PCSK5: variants seen among roughly 807,000 people sequenced by gnomAD.
PCSK5 encodes prohormone convertase 5.
Under a neutral mutation model 233.2 loss-of-function variants are expected in PCSK5, and 129 were observed. The observed-to-expected ratio is 0.55, with a 90% confidence interval of 0.48 to 0.64. The LOEUF (loss-of-function observed/expected upper bound fraction) is 0.64, where lower values mean the gene tolerates loss of function less well. Among genes scored for constraint, PCSK5 ranks in the 30% least tolerant of loss-of-function variants. The pLI is 0.00. For synonymous variants in PCSK5, 825 were observed against 879.2 expected (o/e 0.94, Z 1.09); for missense variants, 2,076 against 2,430.1 (o/e 0.85, Z 3.06).
chr9:76,074,596 C>A lies in PCSK5; in HGVS notation c.894+2698C>A, dbSNP rs1830581700. 3.3e-5 allele frequency among the ~76,000 whole-genome samples: 5 copies of A among 152,220 alleles called. No individual in the cohort carries two copies. In the South Asian group the frequency reaches 1.0e-3, roughly 32 times the overall value. ...AATACAAATAGGCTTTCAGGTTAGG[C>A]TAGGATTGAGTCCAATATTTGCCAT... On this transcript the variant is annotated intron_variant, in intron 7 of 37. Coordinates refer to ENST00000674117, the MANE Select transcript of PCSK5 (RefSeq NM_001372043.1).
Position 76,030,366 on chromosome 9 carries a change from A to ATCT in PCSK5, c.632+3330_632+3332dup, listed in dbSNP as rs528339521. Among the ~76,000 whole-genome samples the ATCT allele has an allele frequency of 1.8e-3, 278 of 152,306 alleles. 7 individuals are homozygous for ATCT. In the South Asian group the frequency reaches 0.04, roughly 22 times the overall value. On this transcript the variant is annotated intron_variant, in intron 5 of 37. Coordinates refer to ENST00000674117, the MANE Select transcript of PCSK5 (RefSeq NM_001372043.1). ...AAGTTTTATAGCTGATTATAAAACC[A>ATCT]TCTAAAGAGGACCAAATCAAGATAA...
intron 24 of PCSK5, among the ~76,000 whole-genome samples, chr9:76,284,132 A>G (rs1474531919): frequency 6.6e-6 from 1 of 151,464 alleles, no homozygotes; most frequent in Admixed American, 6.6e-5. Context: ...AAAAAAAAAA[A>G]GAACTTATGT....
At chr9:76,018,857 T>G (rs1828064422) in intron 3 of PCSK5, among the ~76,000 whole-genome samples, 1 of 152,056 alleles carries the variant, frequency 6.6e-6, no homozygotes, top group South Asian at 2.1e-4. Flanking sequence ...AAGGCCAGAG[T>G]GATTTCTGTT....
chr9:76,191,759 AT>A (rs998022415), intron 20 of PCSK5, among the ~76,000 whole-genome samples: 8 of 152,148 alleles, frequency 5.3e-5, no homozygotes, highest in Non-Finnish European at 1.0e-4. Flanking sequence ...CGTAAGTATC[AT>A]TTTTTAGTTA....
At chr9:75,947,765 G>T (rs1239577541) in intron 2 of PCSK5, among the ~76,000 whole-genome samples, 1 of 152,144 alleles carries the variant, frequency 6.6e-6, no homozygotes, top group Non-Finnish European at 1.5e-5. Flanking sequence ...CCTTACATGG[G>T]GAAAACTGAA....
intron 2 of PCSK5, among the ~76,000 whole-genome samples, chr9:75,974,346 C>G (rs913691870): frequency 3.3e-5 from 5 of 152,294 alleles, no homozygotes; most frequent in Admixed American, 2.6e-4. Context: ...TCGAGTACCA[C>G]CTCACTGGAA....
chr9:75,950,139 GT>G (rs1824778726), intron 2 of PCSK5, among the ~76,000 whole-genome samples: 2 of 104,426 alleles, frequency 1.9e-5, no homozygotes, highest in African/African-American at 3.8e-5. Context: ...ACTTGTGTGT[GT>G]GTGTGGGGGG....
At chr9:75,933,502 TTATA>T (rs1369298170) in intron 2 of PCSK5, among the ~76,000 whole-genome samples, 1 of 152,236 alleles carries the variant, frequency 6.6e-6, no homozygotes, top group Non-Finnish European at 1.5e-5. Flanking sequence ...TCCTCGAAAG[TTATA>T]TTCCTTATAA....
At chr9:76,220,609 C>A (rs1825698401) in intron 20 of PCSK5, among the ~76,000 whole-genome samples, 1 of 143,740 alleles carries the variant, frequency 7.0e-6, no homozygotes, top group African/African-American at 2.5e-5. Flanking sequence ...TCTGGTCTTA[C>A]AACCAGCTGT....
intron 3 of PCSK5, among the ~76,000 whole-genome samples, chr9:75,988,932 G>A (rs925033554): frequency 1.3e-5 from 2 of 152,154 alleles, no homozygotes; most frequent in Admixed American, 6.5e-5. Flanking sequence ...GGTGCTGTGA[G>A]GAAGCCTCTA....
chr9:76,016,873 T>C (rs1827969054), intron 3 of PCSK5, among the ~76,000 whole-genome samples: 1 of 151,936 alleles, frequency 6.6e-6, no homozygotes, highest in Non-Finnish European at 1.5e-5. Flanking sequence ...CAATTATGAG[T>C]AGAATTTTGG....
At chr9:76,148,360 TCC>T (rs1564062044) in intron 10 of PCSK5, among the ~76,000 whole-genome samples, 5 of 133,702 alleles carry the variant, frequency 3.7e-5, no homozygotes, top group Admixed American at 8.5e-5. Flanking sequence ...TCCCTCTCTC[TCC>T]CTCTCTCTCC....
intron 1 of PCSK5, among the ~76,000 whole-genome samples, chr9:75,917,948 A>G (rs1260078105): frequency 1.3e-5 from 2 of 152,182 alleles, no homozygotes; most frequent in East Asian, 3.9e-4. Context: ...TTAATTTTTA[A>G]TAGTTACAAT....
intron 24 of PCSK5, among the ~76,000 whole-genome samples, chr9:76,271,955 CA>C (rs1206291587): frequency 6.6e-6 from 1 of 152,120 alleles, no homozygotes; most frequent in Admixed American, 6.6e-5. Context: ...AGAAATGAGT[CA>C]TTTGATTTAG....
At chr9:76,132,447 C>T (rs766417973) in intron 9 of PCSK5, among the ~76,000 whole-genome samples, 3 of 151,934 alleles carry the variant, frequency 2.0e-5, no homozygotes, top group African/African-American at 7.3e-5. Flanking sequence ...AATTCAAGTT[C>T]TTTTGTTGAT....
intron 2 of PCSK5, among the ~76,000 whole-genome samples, chr9:75,971,108 C>T (rs1354626625): frequency 6.6e-6 from 1 of 151,374 alleles, no homozygotes; most frequent in Non-Finnish European, 1.5e-5. Context: ...CACGACAGGC[C>T]CCAGTGTGTG....
At chr9:76,342,844 C>T (rs910002127) in intron 35 of PCSK5, among the ~76,000 whole-genome samples, 1 of 152,136 alleles carries the variant, frequency 6.6e-6, no homozygotes, top group East Asian at 1.9e-4. Flanking sequence ...AGACAGTAAC[C>T]TGGCCATTAC....
At chr9:75,922,434 G>C (rs761233512) in intron 1 of PCSK5, among the ~76,000 whole-genome samples, 11 of 152,118 alleles carry the variant, frequency 7.2e-5, no homozygotes, top group Non-Finnish European at 1.2e-4. Flanking sequence ...CAGATGGCTT[G>C]TCTAGGGGAA....
chr9:76,322,577 G>A (rs936093107), intron 31 of PCSK5, among the ~76,000 whole-genome samples: 14 of 152,104 alleles, frequency 9.2e-5, no homozygotes, highest in Admixed American at 8.5e-4. Flanking sequence ...AAATAAACCC[G>A]CAATGTATTC....
Sources: gnomAD v4.1 joint callset for allele counts (sites outside exome capture counted in the v4.1 genomes callset) on GRCh38, gnomAD v4.1.1 for gene constraint, MANE v1.5 for transcripts, NCBI Gene and HGNC (gene_info 2026-07-23, HGNC 2026-07-21) for gene names.